Variants in SAG observed in about 807,000 individuals in gnomAD.
SAG encodes the protein S-arrestin.
A neutral mutation model predicts 55.0 loss-of-function variants in SAG; 45 were observed. The ratio of observed to expected loss-of-function variants is 0.82; its 90% CI spans 0.64 to 1.05. The LOEUF is 1.05. SAG is among the 50% of genes least tolerant of loss of function. SAG has a pLI of 0.00. For synonymous variants in SAG, 189 were observed against 197.4 expected (o/e 0.96, Z 0.36); for missense variants, 455 against 512.1 (o/e 0.89, Z 1.08).
At chr2:233,324,571 T>A (rs1014323243) in intron 6 of SAG, among the ~76,000 whole-genome samples, 13 of 152,300 alleles carry the variant, frequency 8.5e-5, no homozygotes, top group African/African-American at 2.9e-4. Flanking sequence ...ATGGTCACTA[T>A]GGCCACAGAG....
chr2:233,321,297 A>G (rs1700373033), intron 5 of SAG, among the ~76,000 whole-genome samples: 1 of 152,180 alleles, frequency 6.6e-6, no homozygotes, highest in African/African-American at 2.4e-5. Flanking sequence ...CTGGCTACCA[A>G]CGGTGCCAGC....
In SAG at chr2:233,329,473, C is replaced by T; in HGVS notation, c.649-20C>T. On this transcript the variant is annotated intron_variant, in intron 8 of 15. Transcript: ENST00000409110. ...GCCACATCTGTTCTCTTCTTCTGACCTATCTGCTGACTTTTCTAGATCTAT... is the reference window on the plus strand; with the variant it reads ...GCCACATCTGTTCTCTTCTTCTGACTTATCTGCTGACTTTTCTAGATCTAT... The T allele has an allele frequency of 6.6e-7, 1 of 1,520,154 alleles. No homozygotes were observed. The highest frequency in any genetic ancestry group is 9.1e-7 in the Non-Finnish European group (1 of 1,094,830). 94.2% of individuals were successfully genotyped at this position (1,520,154 alleles called of 1,614,324 possible).
chr2:233,314,368 T>C (rs1057087749), intron 2 of SAG, among the ~76,000 whole-genome samples: 3 of 152,126 alleles, frequency 2.0e-5, no homozygotes, highest in Admixed American at 1.3e-4. Flanking sequence ...TCCCAGGAAC[T>C]GTGATCCCCA....
intron 5 of SAG, 120 bp downstream of exon 5, chr2:233,320,943 C>T (rs1700363625): frequency 2.4e-6 from 2 of 822,162 alleles, no homozygotes; most frequent in East Asian, 2.8e-5. Context: ...AAATTGCACC[C>T]TTGAAAGAAA....
At chr2:233,338,155 A>G (rs1700996585) in intron 11 of SAG, among the ~76,000 whole-genome samples, 1 of 152,156 alleles carries the variant, frequency 6.6e-6, no homozygotes, top group Non-Finnish European at 1.5e-5. Context: ...TTGTGTTGGC[A>G]AGACTGGCGC....
chr2:233,311,745 A>G (rs1187286754), intron 2 of SAG, among the ~76,000 whole-genome samples: 1 of 152,066 alleles, frequency 6.6e-6, no homozygotes, highest in Non-Finnish European at 1.5e-5. Context: ...CCTGGGTTTC[A>G]TGGTTGGCCA....
intron 14 of SAG, chr2:233,343,378 C>T (rs7586432): frequency 0.012 from 2,212 of 185,058 alleles, 52 homozygotes; most frequent in African/African-American, 0.049. Context: ...TCACGGCGCC[C>T]GGCCTGAAGA....
At chr2:233,314,173 G>T (rs902758329) in intron 2 of SAG, among the ~76,000 whole-genome samples, 1 of 151,068 alleles carries the variant, frequency 6.6e-6, no homozygotes, top group Non-Finnish European at 1.5e-5. Flanking sequence ...AGTGAGCTGA[G>T]ATAGTGCCAC....
chr2:233,323,092 T>C, intron 6 of SAG, 87 bp downstream of exon 6: 4 of 858,308 alleles, frequency 4.7e-6, no homozygotes, highest in Non-Finnish European at 7.6e-6. Context: ...AGGGTTTTAC[T>C]CTGTCACCAA....
chr2:233,312,623 CCTATGAGA>C (rs1316465756), intron 2 of SAG, among the ~76,000 whole-genome samples: 2 of 152,224 alleles, frequency 1.3e-5, no homozygotes, highest in Non-Finnish European at 2.9e-5. Context: ...AGGGCCACGT[CCTATGAGA>C]CCATTTCAGC....
chr2:233,325,203 C>CAAAA (rs3085261), intron 6 of SAG, among the ~76,000 whole-genome samples: 2 of 128,452 alleles, frequency 1.6e-5, no homozygotes, highest in African/African-American at 3.0e-5. Flanking sequence ...GGCTCCATCT[C>CAAAA]AAAAAAAAAA....
At chr2:233,337,149 C>G (rs1180255859) in intron 11 of SAG, among the ~76,000 whole-genome samples, 2 of 151,976 alleles carry the variant, frequency 1.3e-5, no homozygotes, top group Non-Finnish European at 2.9e-5. Flanking sequence ...GCTTGTACCC[C>G]TTTTTTCCCT....
rs1700325160 is a variant in SAG, at chr2:233,319,794, A to T, written c.182-836A>T. On this transcript the variant is annotated intron_variant, in intron 4 of 15. Coordinates refer to ENST00000409110, the MANE Select transcript of SAG (RefSeq NM_000541.5). The surrounding 1 kb of genome is among the most constrained non-coding windows in gnomAD (Gnocchi z 4.4). The stretch of plus-strand genomic sequence containing the variant: ...CCACGTGGTCTCTGGGCACCTTCTT[A>T]GTCCTGAGCTTGAATGAGGGGCGAG... 1.0e-6 allele frequency: 1 copy of T among 985,480 alleles called. No individual in the cohort carries two copies. The highest frequency in any genetic ancestry group is 6.1e-5 in the Admixed American group (1 of 16,262). 61.0% of individuals were successfully genotyped at this position (985,480 alleles called of 1,614,324 possible). A position where few individuals can be genotyped will look rare whatever the true frequency, so the allele number is the denominator to read the frequency against.
intron 6 of SAG, among the ~76,000 whole-genome samples, chr2:233,326,506 A>G (rs1574940070): frequency 1.3e-5 from 2 of 148,880 alleles, no homozygotes; most frequent in East Asian, 2.0e-4. Flanking sequence ...AATTGCTTGA[A>G]CTCGGGAGGC....
intron 14 of SAG, chr2:233,344,610 C>A (rs1388302277): frequency 6.6e-6 from 1 of 152,150 alleles, no homozygotes; most frequent in African/African-American, 2.4e-5. Flanking sequence ...AAGGTTAAGA[C>A]AAATCACCCC....
At chr2:233,322,332 C>T (rs566475324) in intron 5 of SAG, among the ~76,000 whole-genome samples, 5 of 152,052 alleles carry the variant, frequency 3.3e-5, no homozygotes, top group East Asian at 1.9e-4. Flanking sequence ...GGACTGGCTA[C>T]GTTAAGTGTA....
rs1370891448 is a variant in SAG, at chr2:233,319,783, GGCACCTTCTTAGTCCTGA to G, written c.182-844_182-827del. 1.0e-6 allele frequency: 1 copy of G among 985,426 alleles called. No individual in the cohort carries two copies. The highest frequency in any genetic ancestry group is 1.7e-5 in the African/African-American group (1 of 57,172). The allele number at this position is 985,426 out of a possible 1,614,324, so 61.0% of individuals were successfully genotyped here. On this transcript the variant is annotated intron_variant, in intron 4 of 15. Transcript: ENST00000409110. The surrounding 1 kb of genome is among the most constrained non-coding windows in gnomAD (Gnocchi z 4.4). ...CAGCTGTCAAACCACGTGGTCTCTG[GGCACCTTCTTAGTCCTGA>G]GCTTGAATGAGGGGCGAGTGAGTGG... is the stretch of plus-strand genomic sequence containing the variant.
Position 233,318,295 on chromosome 2 carries a change from G to T in SAG, c.137-456G>T, listed in dbSNP as rs201306584. ...TCCTCCTGCCTCAGCCTCCTGAGTA[G>T]TTGGGACTACAGGCATGTACCACCA... On this transcript the variant is annotated intron_variant, in intron 3 of 15. Transcript: ENST00000409110. 2.6e-5 allele frequency among the ~76,000 whole-genome samples: 4 copies of T among 152,168 alleles called. No homozygotes were observed. In the East Asian group the frequency reaches 7.7e-4, roughly 29 times the overall value.
intron 12 of SAG, among the ~76,000 whole-genome samples, chr2:233,339,556 TC>T (rs1473156149): frequency 6.8e-6 from 1 of 147,646 alleles, no homozygotes; most frequent in African/African-American, 2.5e-5. Flanking sequence ...TTTTTTTTTT[TC>T]ACTGTGGATA....
Sources: allele counts gnomAD v4.1 joint callset (sites outside exome capture counted in the v4.1 genomes callset), GRCh38; gene constraint gnomAD v4.1.1; non-coding constraint Gnocchi (gnomAD v3.1); transcripts MANE v1.5; gene names NCBI Gene and HGNC (gene_info 2026-07-23, HGNC 2026-07-21).